Variants in KMT2C observed in about 807,000 individuals in gnomAD.
KMT2C encodes lysine methyltransferase 2C, also known as histone-lysine N-methyltransferase 2C.
A neutral mutation model predicts 507.9 loss-of-function variants in KMT2C; 88 were observed. The ratio of observed to expected loss-of-function variants is 0.17; its 90% CI spans 0.15 to 0.21. The LOEUF (loss-of-function observed/expected upper bound fraction) is 0.21, where lower values mean the gene tolerates loss of function less well. Among genes scored for constraint, KMT2C ranks in the 10% least tolerant of loss-of-function variants. The pLI is 1.00. For synonymous variants in KMT2C, 2,049 were observed against 2,080.8 expected, an observed-to-expected ratio of 0.98 and a Z score of 0.42; for missense variants, 4,954 against 5,957.8, an observed-to-expected ratio of 0.83 and a Z score of 5.55.
chr7:152,353,202 A>G (rs2097127423), intron 2 of KMT2C, among the ~76,000 whole-genome samples: 1 of 152,172 alleles, frequency 6.6e-6, no homozygotes, highest in African/African-American at 2.4e-5. Flanking sequence ...AGGCAGGTGG[A>G]TCACGAGGTC....
At chr7:152,243,168 AACT>A (rs1430523928) in intron 14 of KMT2C, among the ~76,000 whole-genome samples, 1 of 152,234 alleles carries the variant, frequency 6.6e-6, no homozygotes, top group Non-Finnish European at 1.5e-5. Flanking sequence ...CTGTTTTGAT[AACT>A]ACAGAAACAG....
At chr7:152,280,975 G>A (rs150533367) in intron 6 of KMT2C, among the ~76,000 whole-genome samples, 2 of 152,112 alleles carry the variant, frequency 1.3e-5, no homozygotes, top group Non-Finnish European at 2.9e-5. Flanking sequence ...TAAAAAAATA[G>A]GAGAGGCAAG....
chr7:152,226,905 AC>A (rs1280181820), intron 18 of KMT2C, among the ~76,000 whole-genome samples: 2 of 152,254 alleles, frequency 1.3e-5, no homozygotes, highest in Non-Finnish European at 2.9e-5. Context: ...AGTCTGCGTG[AC>A]CCTGGCTTAA....
Position 152,171,356 on chromosome 7 carries a change from G to A in KMT2C, c.9375-14C>T, listed in dbSNP as rs745744681. 6.4e-7 allele frequency: 1 copy of A among 1,556,440 alleles called. No homozygotes were observed. The highest frequency in any genetic ancestry group is 1.8e-5 in the Admixed American group (1 of 56,826). On this transcript the variant is annotated splice_polypyrimidine_tract_variant and intron_variant, in intron 39 of 58. Transcript: ENST00000262189. The stretch of plus-strand genomic sequence containing the variant: ...ATAAAAGGGAACCTGTCAAAACAGG[G>A]TACACAAGTATCAAGTGATGAGCGT...
At chr7:152,297,638 C>A (rs1458921699) in intron 6 of KMT2C, among the ~76,000 whole-genome samples, 1 of 152,178 alleles carries the variant, frequency 6.6e-6, no homozygotes, top group Non-Finnish European at 1.5e-5. Flanking sequence ...GGACTAAGCA[C>A]TCCTTCATAT....
intron 6 of KMT2C, among the ~76,000 whole-genome samples, chr7:152,277,884 T>C (rs1276781333): frequency 2.0e-5 from 3 of 152,234 alleles, no homozygotes; most frequent in African/African-American, 7.2e-5. Flanking sequence ...TTAAATTCTC[T>C]AGTAAAAGAT....
chr7:152,250,864 A>T lies in KMT2C; in HGVS notation c.1724T>A (p.Ile575Asn). Reference sequence around the variant, plus strand: ...TTAAACATTCTTACCATCTGGAACAATTCCAGGAGTGGACTCCTGACCGTT... The same window carrying T: ...TTAAACATTCTTACCATCTGGAACATTTCCAGGAGTGGACTCCTGACCGTT... ...DVNGQESTPG[I>N]VPDAVQVHTE... Residue 575 changes from isoleucine (I) to asparagine (N), a missense_variant, in exon 12 of 59, where the codon ATT becomes AAT. Ile to Asn is a moderately radical substitution (Grantham distance 149). Coordinates refer to ENST00000262189, the MANE Select transcript of KMT2C (RefSeq NM_170606.3). 6.4e-7 allele frequency: 1 copy of T among 1,571,122 alleles called. No individual in the cohort carries two copies. The highest frequency in any genetic ancestry group is 1.1e-5 in the South Asian group (1 of 90,034).
At chr7:152,259,446 G>GCGCGCACACACACACA (rs1188729137) in intron 9 of KMT2C, among the ~76,000 whole-genome samples, 5 of 134,788 alleles carry the variant, frequency 3.7e-5, no homozygotes, top group African/African-American at 1.4e-4. Flanking sequence ...ACACACACGC[G>GCGCGCACACACACACA]CACACACACA....
At chr7:152,339,090 A>T (rs530020323) in intron 2 of KMT2C, among the ~76,000 whole-genome samples, 1 of 152,240 alleles carries the variant, frequency 6.6e-6, no homozygotes, top group African/African-American at 2.4e-5. Flanking sequence ...CACTGATAGC[A>T]TAACAGGCTA....
At chr7:152,318,687 A>G (rs2096744707) in intron 3 of KMT2C, among the ~76,000 whole-genome samples, 2 of 151,852 alleles carry the variant, frequency 1.3e-5, no homozygotes, top group African/African-American at 2.4e-5. Flanking sequence ...CACAAATGAC[A>G]TATAAAACAA....
chr7:152,349,368 C>T (rs1039600059), intron 2 of KMT2C, among the ~76,000 whole-genome samples: 6 of 150,936 alleles, frequency 4.0e-5, no homozygotes, highest in East Asian at 3.9e-4. Flanking sequence ...CACTTGAAAC[C>T]GGGAGGCGGA....
rs2129119374 is a variant in KMT2C, at chr7:152,180,929, C to G, written c.6931G>C (p.Asp2311His). 6.2e-7 allele frequency: 1 copy of G among 1,614,154 alleles called. No homozygotes were observed. Among genetic ancestry groups the G allele is most frequent in the East Asian group, 2.2e-5 (1 of 44,878 alleles). The change falls in exon 36 of 59, where the codon GAC becomes CAC. Residue 2311 changes from aspartate (D) to histidine (H), a missense_variant. Asp to His is a moderately conservative substitution (Grantham distance 81, BLOSUM62 -1). This residue lies in a region of KMT2C where 1,689 missense variants were observed against 1,654.3 expected (regional missense o/e 1.02). Transcript: ENST00000262189. ...QSPMTPRSQS[D>H]SFGTSQTAHD... ...GCAGTTTGACTTGTTCCAAAAGAGT[C>G]AGACTGAGATCTTGGAGTCATTGGA...
At position 152,167,230 on chromosome 7, in the gene KMT2C, A is replaced by C; in HGVS notation, c.9666T>G (p.Ala3222=). 1 of 1,614,160 alleles carries C rather than the reference A, an allele frequency of 6.2e-7. No homozygotes were observed. Among genetic ancestry groups the C allele is most frequent in the Non-Finnish European group, 8.5e-7 (1 of 1,180,024 alleles). ...CATCTTCCTCTGGAAATTCACGCCC[A>C]GCTTTCTTGGCAGTACGTTGTTTAG... ...LSAKQRTAKK[A]GREFPEEDAE... is the part of the protein sequence containing the mutation. Residue 3222 remains alanine, a synonymous_variant, in exon 42 of 59, where the codon GCT becomes GCG. Transcript: ENST00000262189.
At chr7:152,411,020 G>A (rs2097677158) in intron 1 of KMT2C, among the ~76,000 whole-genome samples, 2 of 149,578 alleles carry the variant, frequency 1.3e-5, no homozygotes, top group South Asian at 4.3e-4. Flanking sequence ...ATATATATAT[G>A]GTGTGTGTAT....
intron 1 of KMT2C, among the ~76,000 whole-genome samples, chr7:152,391,786 C>T (rs2097501115): frequency 6.6e-6 from 1 of 152,166 alleles, no homozygotes; most frequent in Non-Finnish European, 1.5e-5. Flanking sequence ...GCTGGGATTA[C>T]AGGCGTGAGC....
At chr7:152,322,071 A>G (rs190186987) in intron 3 of KMT2C, among the ~76,000 whole-genome samples, 1 of 151,776 alleles carries the variant, frequency 6.6e-6, no homozygotes, top group East Asian at 1.9e-4. Context: ...AAAAAAAAAA[A>G]CCATACATCT....
chr7:152,199,537 C>A (rs2129133334), intron 26 of KMT2C, 78 bp from the exon 27 acceptor site: 1 of 861,552 alleles, frequency 1.2e-6, no homozygotes, highest in Non-Finnish European at 1.7e-6. Flanking sequence ...TGGTTTTTGA[C>A]AAGGAAGCAG....
intron 1 of KMT2C, among the ~76,000 whole-genome samples, chr7:152,429,246 T>C (rs373999802): frequency 5.7e-4 from 86 of 152,206 alleles, no homozygotes; most frequent in African/African-American, 1.9e-3. Flanking sequence ...ATGTACCAAA[T>C]GAAAGATCTA....
In KMT2C at chr7:152,158,522, G is replaced by GTT. The variant is rs1393260345; in HGVS notation, c.11670+339_11670+340dup. Among the ~76,000 whole-genome samples, 67 of 137,176 alleles carry GTT rather than the reference G, an allele frequency of 4.9e-4. 1 individual carries two copies. Among genetic ancestry groups the GTT allele is most frequent in the African/African-American group, 1.7e-3 (64 of 36,984 alleles). The allele number at this position is 137,176 out of a possible 152,430, so 90.0% of individuals were successfully genotyped here. A position where few individuals can be genotyped will look rare whatever the true frequency, so the allele number is the denominator to read the frequency against. On this transcript the variant is annotated intron_variant, in intron 44 of 58. Transcript: ENST00000262189. ...TCCTTGAATTGTTTGTTTTTTTTTT[G>GTT]TTTTTTTTTTTGAGACACAGTCTCA...
Sources: allele counts gnomAD v4.1 joint callset (sites outside exome capture counted in the v4.1 genomes callset), GRCh38; gene constraint gnomAD v4.1.1; regional missense constraint gnomAD v4.1.1; transcripts MANE v1.5; gene names NCBI Gene and HGNC (gene_info 2026-07-23, HGNC 2026-07-21).